Variants in POU2F1 observed in about 807,000 individuals in gnomAD.
POU2F1 encodes POU domain, class 2, transcription factor 1.
POU2F1 carries 16 observed loss-of-function variants against 84.9 expected under a neutral mutation model. The observed-to-expected ratio is 0.19, with a 90% confidence interval of 0.13 to 0.29. The LOEUF is 0.29. Among genes scored for constraint, POU2F1 ranks in the 10% least tolerant of loss-of-function variants. The pLI is 1.00. For missense variants in POU2F1, 738 were observed against 942.6 expected, an observed-to-expected ratio of 0.78 and a Z score of 2.84; for synonymous variants, 368 against 368.3, an observed-to-expected ratio of 1.00 and a Z score of 0.01.
intron 2 of POU2F1, among the ~76,000 whole-genome samples, chr1:167,345,232 T>C (rs1452158830): frequency 8.5e-5 from 13 of 152,100 alleles, no homozygotes; most frequent in Admixed American, 8.5e-4. Context: ...AGGGGAGGTG[T>C]TGGGTTTCAG....
At chr1:167,311,540 A>G (rs1012258092) in intron 1 of POU2F1, among the ~76,000 whole-genome samples, 1 of 152,204 alleles carries the variant, frequency 6.6e-6, no homozygotes, top group Non-Finnish European at 1.5e-5. Context: ...TGGACAGTGT[A>G]TATAACCGAG....
intron 1 of POU2F1, among the ~76,000 whole-genome samples, chr1:167,240,351 G>A (rs1372574314): frequency 6.6e-6 from 1 of 152,186 alleles, no homozygotes. Flanking sequence ...CAAAATGTAT[G>A]CTTTGGTAGG....
chr1:167,355,970 CAG>C (rs991739236), intron 2 of POU2F1, among the ~76,000 whole-genome samples: 6 of 151,608 alleles, frequency 4.0e-5, no homozygotes, highest in African/African-American at 1.5e-4. Flanking sequence ...TTTTTTGAGA[CAG>C]GGTCTCACTT....
chr1:167,320,755 T>C (rs1460898623), intron 1 of POU2F1, among the ~76,000 whole-genome samples: 1 of 152,216 alleles, frequency 6.6e-6, no homozygotes, highest in Non-Finnish European at 1.5e-5. Flanking sequence ...TAGAGTCTTC[T>C]CTGGATCTAT....
intron 1 of POU2F1, among the ~76,000 whole-genome samples, chr1:167,305,545 A>T (rs1318079114): frequency 6.6e-6 from 1 of 152,164 alleles, no homozygotes; most frequent in Non-Finnish European, 1.5e-5. Context: ...ATATCATGTA[A>T]CCGTTTATTC....
chr1:167,318,494 A>C (rs1656076862), intron 1 of POU2F1, among the ~76,000 whole-genome samples: 1 of 152,208 alleles, frequency 6.6e-6, no homozygotes, highest in South Asian at 2.1e-4. Context: ...CAATCTTCCC[A>C]AACAAGTATG....
intron 2 of POU2F1, among the ~76,000 whole-genome samples, chr1:167,350,398 A>G (rs1658476396): frequency 6.6e-6 from 1 of 152,162 alleles, no homozygotes. Context: ...TCTTACTCTG[A>G]TTTAATTCTA....
chr1:167,239,247 TTAAA>T (rs1307556912), intron 1 of POU2F1, among the ~76,000 whole-genome samples: 7 of 152,226 alleles, frequency 4.6e-5, no homozygotes, highest in Admixed American at 2.0e-4. Flanking sequence ...GAACACTAGA[TTAAA>T]TAGTCTACTT....
chr1:167,293,537 C>G (rs557423059), intron 1 of POU2F1, among the ~76,000 whole-genome samples: 50 of 152,140 alleles, frequency 3.3e-4, no homozygotes, highest in African/African-American at 1.1e-3. Context: ...AATATTGTGC[C>G]AGTTGACAGA....
chr1:167,245,909 C>T (rs1650285812), intron 1 of POU2F1, among the ~76,000 whole-genome samples: 1 of 152,162 alleles, frequency 6.6e-6, no homozygotes, highest in South Asian at 2.1e-4. Context: ...TTATGGTAGT[C>T]ATTCAGTCTG....
chr1:167,414,127 A>G (rs1650152477), intron 15 of POU2F1, among the ~76,000 whole-genome samples: 1 of 152,236 alleles, frequency 6.6e-6, no homozygotes, highest in South Asian at 2.1e-4. Context: ...TGTTAATTAC[A>G]GACAAAACCA....
intron 15 of POU2F1, 70 bp downstream of exon 15, chr1:167,413,184 TGTG>T: frequency 1.6e-6 from 2 of 1,272,292 alleles, no homozygotes; most frequent in Non-Finnish European, 2.3e-6. Context: ...TGTGTGTGTG[TGTG>T]TGCTTGAGAC....
At chr1:167,250,198 A>C (rs1287331424) in intron 1 of POU2F1, among the ~76,000 whole-genome samples, 5 of 152,124 alleles carry the variant, frequency 3.3e-5, no homozygotes, top group Non-Finnish European at 5.9e-5. Flanking sequence ...TAGAGAAGAG[A>C]AAAAAATATG....
intron 1 of POU2F1, among the ~76,000 whole-genome samples, chr1:167,288,790 C>G (rs543861181): frequency 3.3e-5 from 5 of 152,308 alleles, no homozygotes; most frequent in African/African-American, 4.8e-5. Context: ...TTACCAAGAT[C>G]CTAATTTTTT....
intron 8 of POU2F1, among the ~76,000 whole-genome samples, chr1:167,387,679 C>T (rs373166513): frequency 1.1e-3 from 165 of 152,248 alleles, no homozygotes; most frequent in African/African-American, 3.5e-3. Flanking sequence ...GGTTTATAAT[C>T]GCTCACCTGG....
chr1:167,381,237 C>A (rs1647518464), intron 7 of POU2F1, among the ~76,000 whole-genome samples: 1 of 152,134 alleles, frequency 6.6e-6, no homozygotes, highest in African/African-American at 2.4e-5. Context: ...CGCATGCCAC[C>A]ACGCCTGGCT....
At chr1:167,255,533 G>C (rs553173992) in intron 1 of POU2F1, among the ~76,000 whole-genome samples, 52 of 152,284 alleles carry the variant, frequency 3.4e-4, no homozygotes, top group Non-Finnish European at 7.2e-4. Flanking sequence ...AGAATATGAA[G>C]AAAGGAGAAT....
chr1:167,314,718 G>T (rs941224687), intron 1 of POU2F1, among the ~76,000 whole-genome samples: 3 of 152,156 alleles, frequency 2.0e-5, no homozygotes, highest in Non-Finnish European at 4.4e-5. Flanking sequence ...AGGCTGTAGT[G>T]AGCTGTGATC....
chr1:167,426,463 A>G lies in POU2F1; in HGVS notation c.*10653A>G, dbSNP rs754570239. ...CTGAGTGTACATAATATTCAATAAT[A>G]ATCTCCCACCAGGTGTCAATTTAGA... On this transcript the variant is annotated 3_prime_UTR_variant, in exon 16 of 16. Transcript: ENST00000367866. 1.3e-5 allele frequency: 2 copies of G among 152,236 alleles called. No homozygotes were observed. The highest frequency in any genetic ancestry group is 2.4e-5 in the African/African-American group (1 of 41,460). The allele number at this position is 152,236 out of a possible 1,614,324, so 9.4% of individuals were successfully genotyped here.
Sources: allele counts gnomAD v4.1 joint callset (sites outside exome capture counted in the v4.1 genomes callset), GRCh38; gene constraint gnomAD v4.1.1; transcripts MANE v1.5; gene names NCBI Gene and HGNC (gene_info 2026-07-23, HGNC 2026-07-21).